Variants in STAU2 observed in about 807,000 individuals in gnomAD.
The protein encoded by STAU2 is staufen double-stranded RNA binding protein 2, also known as double-stranded RNA-binding protein Staufen homolog 2.
In STAU2, 20 loss-of-function variants were observed where a neutral mutation model predicts 65.9. That is an observed-to-expected ratio of 0.30 (90% confidence interval 0.21 to 0.44). The LOEUF (loss-of-function observed/expected upper bound fraction) is 0.44, where lower values mean the gene tolerates loss of function less well. Ranked by LOEUF, STAU2 falls within the 20% of genes least tolerant of loss-of-function variation. STAU2 has a pLI of 1.00. For missense variants in STAU2, 558 were observed against 683.9 expected (o/e 0.82, Z 2.05); for synonymous variants, 232 against 233.9 (o/e 0.99, Z 0.07).
intron 13 of STAU2, among the ~76,000 whole-genome samples, chr8:73,465,306 G>A (rs1585811940): frequency 6.6e-6 from 1 of 152,102 alleles, no homozygotes; most frequent in Admixed American, 6.5e-5. Flanking sequence ...CAATAATATC[G>A]TAGTAAGTAT....
chr8:73,575,634 A>AT (rs1367757375), intron 12 of STAU2, among the ~76,000 whole-genome samples: 1 of 152,158 alleles, frequency 6.6e-6, no homozygotes, highest in Non-Finnish European at 1.5e-5. Flanking sequence ...ATACATATCA[A>AT]TAGGAAAGGA....
intron 2 of STAU2, among the ~76,000 whole-genome samples, chr8:73,738,805 C>T (rs1027840687): frequency 1.3e-5 from 2 of 152,108 alleles, no homozygotes; most frequent in African/African-American, 4.8e-5. Flanking sequence ...ATCTTCTATA[C>T]GATAAATTAA....
intron 13 of STAU2, among the ~76,000 whole-genome samples, chr8:73,456,611 C>T (rs1819086136): frequency 6.6e-6 from 1 of 152,086 alleles, no homozygotes; most frequent in Admixed American, 6.6e-5. Flanking sequence ...CAGGAACGAG[C>T]ATGGGGCCCA....
intron 6 of STAU2, among the ~76,000 whole-genome samples, chr8:73,672,791 T>C (rs1478723572): frequency 1.3e-5 from 2 of 151,706 alleles, no homozygotes; most frequent in South Asian, 2.1e-4. Flanking sequence ...AAGTCAACAC[T>C]ATAAACTGTG....
intron 4 of STAU2, among the ~76,000 whole-genome samples, chr8:73,690,291 T>A: frequency 7.5e-6 from 1 of 132,982 alleles, no homozygotes; most frequent in Non-Finnish European, 1.5e-5. Context: ...ATTGCGCCAC[T>A]GCACTCCAGC....
At chr8:73,573,704 G>A (rs1034973601) in intron 12 of STAU2, among the ~76,000 whole-genome samples, 10 of 152,326 alleles carry the variant, frequency 6.6e-5, no homozygotes, top group African/African-American at 2.4e-4. Context: ...GCCATATGTA[G>A]AAAGCTGAAA....
rs535447567 is a variant in STAU2 at position 73,673,271 on chromosome 8, A to T, written c.275-29T>A. On this transcript the variant is annotated intron_variant, in intron 5 of 14. Coordinates refer to ENST00000524300, the MANE Select transcript of STAU2 (RefSeq NM_001164380.2). ...TTTAAAAAAAAAACATTAAAGGCAC[A>T]CAAGTGAAATATCTTCACAATTAAA... 12 of 1,512,348 alleles carry T rather than the reference A, an allele frequency of 7.9e-6. No homozygotes were observed. In the South Asian group the frequency reaches 1.5e-4, roughly 19 times the overall value. The allele number at this position is 1,512,348 out of a possible 1,614,324, so 93.7% of individuals were successfully genotyped here.
At chr8:73,551,732 C>A in intron 13 of STAU2, 2 of 1,077,584 alleles carry the variant, frequency 1.9e-6, no homozygotes, top group Non-Finnish European at 2.3e-6. Flanking sequence ...TAATCAAGAC[C>A]AAATAGAAGA....
chr8:73,537,601 T>C (rs1806267249), intron 13 of STAU2, among the ~76,000 whole-genome samples: 1 of 152,186 alleles, frequency 6.6e-6, no homozygotes, highest in South Asian at 2.1e-4. Flanking sequence ...GCCCAGACTT[T>C]TATATCTAGA....
intron 13 of STAU2, among the ~76,000 whole-genome samples, chr8:73,483,061 C>T (rs978200773): frequency 1.4e-5 from 2 of 143,352 alleles, no homozygotes; most frequent in East Asian, 2.1e-4. Context: ...CATCAGTGGT[C>T]AGCAAAGAAT....
chr8:73,523,381 T>C (rs1004340988), intron 13 of STAU2, among the ~76,000 whole-genome samples: 1 of 151,830 alleles, frequency 6.6e-6, no homozygotes, highest in African/African-American at 2.4e-5. Flanking sequence ...CAGGACTGCA[T>C]ACGAGTACGT....
At chr8:73,718,274 C>T (rs987510044) in intron 3 of STAU2, among the ~76,000 whole-genome samples, 21 of 152,178 alleles carry the variant, frequency 1.4e-4, no homozygotes, top group Non-Finnish European at 1.8e-4. Context: ...CTGAATAAAG[C>T]TTATCTAATG....
intron 3 of STAU2, among the ~76,000 whole-genome samples, chr8:73,717,528 A>T (rs1821333527): frequency 1.3e-5 from 2 of 152,226 alleles, no homozygotes; most frequent in Non-Finnish European, 2.9e-5. Flanking sequence ...CTCCCACTAC[A>T]TTGCCTTTAT....
chr8:73,672,125 C>A (rs950437943), intron 6 of STAU2: 1 of 152,024 alleles, frequency 6.6e-6, no homozygotes, highest in Non-Finnish European at 1.5e-5. Context: ...ACAAGATACA[C>A]AAATTATGAT....
intron 6 of STAU2, among the ~76,000 whole-genome samples, chr8:73,641,150 G>A (rs999635293): frequency 2.0e-5 from 3 of 152,080 alleles, no homozygotes. Flanking sequence ...AAAGAATCCT[G>A]GAGCCTGGGT....
At chr8:73,575,942 G>A (rs1197126739) in intron 12 of STAU2, among the ~76,000 whole-genome samples, 1 of 151,830 alleles carries the variant, frequency 6.6e-6, no homozygotes, top group Non-Finnish European at 1.5e-5. Context: ...AGTAAAAATA[G>A]AAAATGAAAA....
At chr8:73,734,718 C>CG (rs1310334252) in intron 3 of STAU2, among the ~76,000 whole-genome samples, 1 of 151,880 alleles carries the variant, frequency 6.6e-6, no homozygotes, top group Non-Finnish European at 1.5e-5. Flanking sequence ...TGCTTGAATT[C>CG]GGAAGGCGGA....
intron 12 of STAU2, among the ~76,000 whole-genome samples, chr8:73,575,343 C>G (rs1447479254): frequency 6.6e-6 from 1 of 152,182 alleles, no homozygotes; most frequent in Non-Finnish European, 1.5e-5. Flanking sequence ...TGATAGCACA[C>G]TGTGTTCCTG....
At chr8:73,426,182 C>G (rs1276120257) in intron 13 of STAU2, among the ~76,000 whole-genome samples, 4 of 140,576 alleles carry the variant, frequency 2.8e-5, no homozygotes, top group African/African-American at 1.0e-4. Flanking sequence ...TTTTTTTTTT[C>G]AATGATAAAT....
Sources: allele counts gnomAD v4.1 joint callset (sites outside exome capture counted in the v4.1 genomes callset), GRCh38; gene constraint gnomAD v4.1.1; transcripts MANE v1.5; gene names NCBI Gene and HGNC (gene_info 2026-07-23, HGNC 2026-07-21).